Variants in UTP6 observed in about 807,000 individuals in gnomAD.
The protein encoded by UTP6 is U3 small nucleolar RNA-associated protein 6 homolog.
In UTP6, 60 loss-of-function variants were observed where a neutral mutation model predicts 96.5. That is an observed-to-expected ratio of 0.62 (90% confidence interval 0.51 to 0.77). The LOEUF is 0.77. Among genes scored for constraint, UTP6 ranks in the 30% least tolerant of loss-of-function variants. UTP6 has a pLI of 0.00. For missense variants in UTP6, 637 were observed against 706.5 expected, an observed-to-expected ratio of 0.90 and a Z score of 1.12; for synonymous variants, 215 against 240.1, an observed-to-expected ratio of 0.90 and a Z score of 0.96.
chr17:31,895,498 T>C (rs1904580046), intron 2 of UTP6, among the ~76,000 whole-genome samples: 1 of 152,142 alleles, frequency 6.6e-6, no homozygotes, highest in Non-Finnish European at 1.5e-5. Flanking sequence ...AAATTTTACA[T>C]AAATGGTATC....
chr17:31,873,557 G>C, intron 15 of UTP6, 70 bp from the exon 16 acceptor site: 1 of 1,604,046 alleles, frequency 6.2e-7, no homozygotes, highest in South Asian at 1.1e-5. Context: ...GATTTTCCCA[G>C]AACCACCTGA....
chr17:31,898,306 G>A (rs1904773850), intron 2 of UTP6, among the ~76,000 whole-genome samples: 2 of 152,128 alleles, frequency 1.3e-5, no homozygotes, highest in East Asian at 3.8e-4. Context: ...GGAGGCCGAG[G>A]CGGGTGGATC....
intron 11 of UTP6, among the ~76,000 whole-genome samples, chr17:31,879,273 C>A (rs1160628535): frequency 6.6e-6 from 1 of 151,880 alleles, no homozygotes; most frequent in Non-Finnish European, 1.5e-5. Context: ...ACCTGTAATC[C>A]CAGCTACTCG....
intron 2 of UTP6, among the ~76,000 whole-genome samples, chr17:31,896,415 G>T (rs1904645647): frequency 6.6e-6 from 1 of 152,066 alleles, no homozygotes; most frequent in South Asian, 2.1e-4. Flanking sequence ...ACTAATTACT[G>T]ATAAGGCTGA....
At chr17:31,882,118 C>T (rs1910878930) in intron 10 of UTP6, among the ~76,000 whole-genome samples, 1 of 152,132 alleles carries the variant, frequency 6.6e-6, no homozygotes, top group South Asian at 2.1e-4. Context: ...ATAACCTCCG[C>T]CTCCTGGGTT....
intron 3 of UTP6, 55 bp downstream of exon 3, chr17:31,894,915 G>T: frequency 6.9e-7 from 1 of 1,455,592 alleles, no homozygotes; most frequent in Non-Finnish European, 9.6e-7. Context: ...TAACTATACA[G>T]CCATACTGCT....
chr17:31,892,633 G>T, intron 5 of UTP6, 114 bp downstream of exon 5: 1 of 1,265,930 alleles, frequency 7.9e-7, no homozygotes, highest in South Asian at 1.3e-5. Context: ...GCCTTCTTGG[G>T]TTCTTTTTTC....
intron 4 of UTP6, among the ~76,000 whole-genome samples, chr17:31,893,688 C>CCACTG (rs1904464235): frequency 6.7e-6 from 1 of 149,628 alleles, no homozygotes; most frequent in South Asian, 2.1e-4. Flanking sequence ...CAAGATCACA[C>CCACTG]CACTGCACTC....
At chr17:31,894,528 AGAGT>A (rs2142323108) in intron 4 of UTP6, 113 bp downstream of exon 4, 1 of 698,880 alleles carries the variant, frequency 1.4e-6, no homozygotes, top group East Asian at 2.7e-5. Context: ...TACCATCATT[AGAGT>A]AAGTATAAAG....
intron 2 of UTP6, among the ~76,000 whole-genome samples, chr17:31,896,848 C>G (rs904314589): frequency 3.9e-5 from 6 of 152,140 alleles, no homozygotes; most frequent in African/African-American, 1.4e-4. Flanking sequence ...GTTGCCTAGG[C>G]TGGTCTTGAA....
chr17:31,873,632 C>A (rs1220274249), intron 15 of UTP6, 41 bp downstream of exon 15: 4 of 1,613,358 alleles, frequency 2.5e-6, no homozygotes. Flanking sequence ...GAACCTTCTG[C>A]CATTCCCCAC....
chr17:31,866,887 CA>C (rs56235737), intron 17 of UTP6, among the ~76,000 whole-genome samples: 4,555 of 42,784 alleles, frequency 0.11, 36 homozygotes, highest in Middle Eastern at 0.21. Flanking sequence ...ACTCTTGTCT[CA>C]AAAAAAAAAA....
At chr17:31,888,590 G>A (rs772503268) in intron 7 of UTP6, among the ~76,000 whole-genome samples, 29 of 152,100 alleles carry the variant, frequency 1.9e-4, no homozygotes, top group Admixed American at 1.6e-3. Flanking sequence ...ACCTACTCAG[G>A]AGGCTGAGGC....
In UTP6 at chr17:31,863,531, A is replaced by AT; in HGVS notation, c.1637-16_1637-15insA. On this transcript the variant is annotated splice_polypyrimidine_tract_variant and intron_variant, in intron 18 of 18. Transcript: ENST00000261708. ...CATCCAAAGATCTTTTAAAAAAAAAACATACAATTAGATAACTGACAGAGT... is the reference window on the plus strand; with the variant it reads ...CATCCAAAGATCTTTTAAAAAAAAAATCATACAATTAGATAACTGACAGAGT... 3.2e-6 allele frequency: 5 copies of AT among 1,587,296 alleles called. No homozygotes were observed. The highest frequency in any genetic ancestry group is 4.3e-6 in the Non-Finnish European group (5 of 1,167,544).
intron 12 of UTP6, 38 bp downstream of exon 12, chr17:31,878,664 C>T (rs758097661): frequency 3.8e-6 from 6 of 1,578,272 alleles, no homozygotes; most frequent in Non-Finnish European, 4.3e-6. Flanking sequence ...AAGGCAGTCA[C>T]TATCTAGTCA....
chr17:31,884,588 G>T, intron 9 of UTP6, 83 bp from the exon 10 acceptor site: 1 of 1,037,658 alleles, frequency 9.6e-7, no homozygotes, highest in Non-Finnish European at 1.4e-6. Flanking sequence ...TTCATGTACT[G>T]GAGTTAATCT....
At chr17:31,894,315 T>C (rs973160412) in intron 4 of UTP6, among the ~76,000 whole-genome samples, 4 of 151,406 alleles carry the variant, frequency 2.6e-5, no homozygotes, top group African/African-American at 7.3e-5. Context: ...TTCTGAGGTA[T>C]TGCCCCTACA....
At chr17:31,898,180 T>C (rs1184291365) in intron 2 of UTP6, among the ~76,000 whole-genome samples, 1 of 152,226 alleles carries the variant, frequency 6.6e-6, no homozygotes, top group Non-Finnish European at 1.5e-5. Context: ...CTACTCCCAA[T>C]GCTACTCCTG....
At chr17:31,878,389 A>G in intron 12 of UTP6, 62 bp from the exon 13 acceptor site, 1 of 1,502,238 alleles carries the variant, frequency 6.7e-7, no homozygotes, top group Non-Finnish European at 9.2e-7. Context: ...CTGGCCTCTG[A>G]CATGAACAAA....
Sources: allele counts gnomAD v4.1 joint callset (sites outside exome capture counted in the v4.1 genomes callset), GRCh38; gene constraint gnomAD v4.1.1; transcripts MANE v1.5; gene names NCBI Gene and HGNC (gene_info 2026-07-23, HGNC 2026-07-21).